Variants in GAB2 observed in about 807,000 individuals in gnomAD.
The protein encoded by GAB2 is GRB2-associated-binding protein 2.
Under a neutral mutation model 65.5 loss-of-function variants are expected in GAB2, and 26 were observed. The observed-to-expected ratio is 0.40, with a 90% CI of 0.29 to 0.55. The LOEUF (loss-of-function observed/expected upper bound fraction) is 0.55. Among genes scored for constraint, GAB2 ranks in the 20% least tolerant of loss-of-function variants. The probability of loss-of-function intolerance (pLI) is 0.53; values close to 1 mark genes in which losing one functional copy is unlikely to be tolerated. For missense variants in GAB2, 884 were observed against 875.8 expected, an observed-to-expected ratio of 1.01 and a Z score of -0.12; for synonymous variants, 321 against 329.6, an observed-to-expected ratio of 0.97 and a Z score of 0.28.
chr11:78,255,220 A>G (rs1865564939), intron 2 of GAB2, among the ~76,000 whole-genome samples: 1 of 152,244 alleles, frequency 6.6e-6, no homozygotes, highest in South Asian at 2.1e-4. Flanking sequence ...GCTGGCAGCC[A>G]CCAGGAACTA....
At chr11:78,282,967 C>T (rs546016129) in intron 1 of GAB2, among the ~76,000 whole-genome samples, 1 of 152,322 alleles carries the variant, frequency 6.6e-6, no homozygotes, top group Non-Finnish European at 1.5e-5. Flanking sequence ...AAGTCTAATG[C>T]TCTGCCAACT....
At chr11:78,287,637 T>C (rs1170488159) in intron 1 of GAB2, among the ~76,000 whole-genome samples, 1 of 150,638 alleles carries the variant, frequency 6.6e-6, no homozygotes, top group African/African-American at 2.5e-5. Flanking sequence ...GGCAAGGACA[T>C]TTGCTCTTAT....
At chr11:78,299,369 G>C (rs891629420) in intron 1 of GAB2, among the ~76,000 whole-genome samples, 3 of 152,146 alleles carry the variant, frequency 2.0e-5, no homozygotes, top group African/African-American at 7.2e-5. Context: ...AAGATCACAG[G>C]AAAAGACAGA....
intron 3 of GAB2, among the ~76,000 whole-genome samples, chr11:78,241,732 A>G (rs1297222889): frequency 6.6e-6 from 1 of 152,212 alleles, no homozygotes; most frequent in Non-Finnish European, 1.5e-5. Context: ...ACTTGAAGAA[A>G]GGTAGTTTGA....
chr11:78,300,244 C>G (rs559843446), intron 1 of GAB2, among the ~76,000 whole-genome samples: 1 of 151,514 alleles, frequency 6.6e-6, no homozygotes, highest in South Asian at 2.1e-4. Context: ...TTTTTATGCA[C>G]AACATGAAGT....
At chr11:78,389,814 C>G (rs183442334) in intron 1 of GAB2, among the ~76,000 whole-genome samples, 4 of 152,270 alleles carry the variant, frequency 2.6e-5, no homozygotes, top group African/African-American at 7.2e-5. Flanking sequence ...CAGTCAAATC[C>G]CCACAAGTTA....
chr11:78,383,307 G>A (rs1022307423), intron 1 of GAB2, among the ~76,000 whole-genome samples: 27 of 152,006 alleles, frequency 1.8e-4, no homozygotes, highest in African/African-American at 6.5e-4. Flanking sequence ...TAATCTTCCA[G>A]AAAAGGCTGC....
intron 2 of GAB2, among the ~76,000 whole-genome samples, chr11:78,278,221 C>G (rs1329293753): frequency 6.6e-6 from 1 of 151,960 alleles, no homozygotes; most frequent in Non-Finnish European, 1.5e-5. Context: ...AGGCGCCCAC[C>G]ACCATGCCTG....
In GAB2 at chr11:78,331,956, C is replaced by T. The variant is rs151088968; in HGVS notation, c.76-51055G>A. The stretch of plus-strand genomic sequence containing the variant: ...AAAAAAAACACACATGCCCCCTCCA[C>T]ACACAAAAGGGCATTTGTGTTGGGC... On this transcript the variant is annotated intron_variant, in intron 1 of 9. Transcript: ENST00000361507. Among the ~76,000 whole-genome samples, 356 of 152,320 alleles carry T rather than the reference C, an allele frequency of 2.3e-3. 1 individual carries two copies. Among genetic ancestry groups the T allele is most frequent in the African/African-American group, 8.3e-3 (345 of 41,584 alleles).
At chr11:78,372,082 A>G (rs1199438930) in intron 1 of GAB2, among the ~76,000 whole-genome samples, 1 of 152,224 alleles carries the variant, frequency 6.6e-6, no homozygotes, top group Admixed American at 6.5e-5. Flanking sequence ...GGGGAGCAGA[A>G]GAGAGATTAC....
intron 1 of GAB2, among the ~76,000 whole-genome samples, chr11:78,365,926 G>A (rs2134722217): frequency 6.6e-6 from 1 of 152,312 alleles, no homozygotes; most frequent in Middle Eastern, 3.4e-3. Context: ...GCCACTAACT[G>A]GCAAAGTTCA....
chr11:78,357,705 C>G (rs570075917), intron 1 of GAB2, among the ~76,000 whole-genome samples: 121 of 152,314 alleles, frequency 7.9e-4, no homozygotes, highest in African/African-American at 2.6e-3. Flanking sequence ...AAATGCTCAT[C>G]ATCACTGGCC....
At chr11:78,235,138 T>C (rs1864949633) in intron 3 of GAB2, among the ~76,000 whole-genome samples, 1 of 152,044 alleles carries the variant, frequency 6.6e-6, no homozygotes, top group Non-Finnish European at 1.5e-5. Context: ...GGTTTGATTT[T>C]CTCCCCAGAA....
chr11:78,246,358 C>T (rs778089387), intron 3 of GAB2, among the ~76,000 whole-genome samples: 24 of 152,140 alleles, frequency 1.6e-4, no homozygotes, highest in Non-Finnish European at 2.9e-4. Flanking sequence ...GAGGTTTGTA[C>T]CTGTGACTTC....
intron 3 of GAB2, among the ~76,000 whole-genome samples, chr11:78,238,911 T>TCAA (rs1454977292): frequency 6.6e-6 from 1 of 151,914 alleles, no homozygotes; most frequent in Non-Finnish European, 1.5e-5. Flanking sequence ...CTCCAACAGC[T>TCAA]CAACAACAAC....
chr11:78,280,040 G>A (rs958062266), intron 2 of GAB2, among the ~76,000 whole-genome samples: 2 of 152,182 alleles, frequency 1.3e-5, no homozygotes, highest in Admixed American at 1.3e-4. Context: ...AAAAAGGTGA[G>A]CTACTCTTTT....
intron 1 of GAB2, among the ~76,000 whole-genome samples, chr11:78,367,297 G>C (rs762255620): frequency 6.6e-6 from 1 of 152,202 alleles, no homozygotes; most frequent in Non-Finnish European, 1.5e-5. Context: ...TCCTGCCTTC[G>C]AAGGGCATAT....
chr11:78,385,627 A>T (rs975592620), intron 1 of GAB2, among the ~76,000 whole-genome samples: 3 of 152,258 alleles, frequency 2.0e-5, no homozygotes, highest in African/African-American at 7.2e-5. Flanking sequence ...CACACAGGTG[A>T]GCAGCCTTAT....
At chr11:78,312,808 C>T (rs1309897206) in intron 1 of GAB2, among the ~76,000 whole-genome samples, 3 of 152,058 alleles carry the variant, frequency 2.0e-5, no homozygotes, top group South Asian at 2.1e-4. Flanking sequence ...AGTTATAAAT[C>T]GACAAAGCAA....
Sources: gnomAD v4.1 joint callset for allele counts (sites outside exome capture counted in the v4.1 genomes callset) on GRCh38, gnomAD v4.1.1 for gene constraint, MANE v1.5 for transcripts, NCBI Gene and HGNC (gene_info 2026-07-23, HGNC 2026-07-21) for gene names.